Variants in PTPRD observed in about 807,000 individuals in gnomAD.
PTPRD encodes receptor-type tyrosine-protein phosphatase delta.
PTPRD carries 34 observed loss-of-function variants against 214.5 expected under a neutral mutation model. The observed-to-expected ratio is 0.16, with a 90% CI of 0.12 to 0.21. The LOEUF (loss-of-function observed/expected upper bound fraction) is 0.21. Among genes scored for constraint, PTPRD ranks in the 10% least tolerant of loss-of-function variants. The pLI is 1.00. For missense variants in PTPRD, 2,545 were observed against 2,398.7 expected (o/e 1.06, Z -1.27); for synonymous variants, 1,128 against 845.7 (o/e 1.33, Z -5.79).
At chr9:9,116,877 T>C (rs1260134039) in intron 10 of PTPRD, among the ~76,000 whole-genome samples, 2 of 152,150 alleles carry the variant, frequency 1.3e-5, no homozygotes, top group African/African-American at 4.8e-5. Context: ...AATTATTCAA[T>C]TAATCCAGAG....
At chr9:8,756,966 C>A (rs145043945) in intron 11 of PTPRD, among the ~76,000 whole-genome samples, 1,846 of 152,068 alleles carry the variant, frequency 0.012, 14 homozygotes, top group Non-Finnish European at 0.019. Context: ...CGTGGTGAAA[C>A]CCTGTCTCTA....
intron 5 of PTPRD, among the ~76,000 whole-genome samples, chr9:9,807,913 C>A (rs189689119): frequency 6.6e-6 from 1 of 152,064 alleles, no homozygotes; most frequent in Non-Finnish European, 1.5e-5. Context: ...ACCCTAAGAG[C>A]AGTTTTTATA....
intron 14 of PTPRD, among the ~76,000 whole-genome samples, chr9:8,591,314 T>C (rs1307163198): frequency 6.6e-6 from 1 of 152,170 alleles, no homozygotes; most frequent in East Asian, 1.9e-4. Context: ...AGGGCCATTA[T>C]TTGGTCTACC....
chr9:8,389,204 A>G, intron 37 of PTPRD, 28 bp downstream of exon 37: 3 of 1,566,536 alleles, frequency 1.9e-6, no homozygotes, highest in Middle Eastern at 1.7e-4. Context: ...AAATTTTTAA[A>G]AGGAAAGAGG....
chr9:8,753,250 G>A (rs1409986706), intron 11 of PTPRD, among the ~76,000 whole-genome samples: 1 of 152,186 alleles, frequency 6.6e-6, no homozygotes, highest in Non-Finnish European at 1.5e-5. Context: ...TTAACCACTG[G>A]CTAAAACCAT....
At chr9:10,220,505 T>C (rs756221380) in intron 3 of PTPRD, among the ~76,000 whole-genome samples, 92 of 151,928 alleles carry the variant, frequency 6.1e-4, no homozygotes, top group Non-Finnish European at 1.0e-3. Context: ...GAAAGTTAAA[T>C]GGTGAAAACA....
At chr9:8,868,685 T>C (rs2098242349) in intron 11 of PTPRD, among the ~76,000 whole-genome samples, 1 of 151,846 alleles carries the variant, frequency 6.6e-6, no homozygotes, top group Non-Finnish European at 1.5e-5. Context: ...ATTTTATAGA[T>C]GAAAAAGAAA....
intron 44 of PTPRD, among the ~76,000 whole-genome samples, chr9:8,329,223 G>A (rs1187828568): frequency 2.6e-5 from 4 of 151,958 alleles, no homozygotes; most frequent in South Asian, 2.1e-4. Flanking sequence ...CTGGGTGGAC[G>A]TGCTATTCCT....
At chr9:9,846,029 AAG>A (rs2059467396) in intron 5 of PTPRD, among the ~76,000 whole-genome samples, 1 of 152,110 alleles carries the variant, frequency 6.6e-6, no homozygotes, top group South Asian at 2.1e-4. Context: ...TGTCTTGAGA[AAG>A]AGTAATTCCT....
intron 5 of PTPRD, among the ~76,000 whole-genome samples, chr9:9,846,777 T>C (rs1412901143): frequency 6.6e-6 from 1 of 152,084 alleles, no homozygotes; most frequent in East Asian, 1.9e-4. Context: ...ACAGCATAAA[T>C]GAAACATTGA....
chr9:9,167,983 T>C (rs144368327), intron 10 of PTPRD, among the ~76,000 whole-genome samples: 1 of 152,220 alleles, frequency 6.6e-6, no homozygotes, highest in East Asian at 1.9e-4. Context: ...TTCTGTGGAG[T>C]AGATTTTTAT....
intron 5 of PTPRD, among the ~76,000 whole-genome samples, chr9:9,863,909 C>G (rs1449557305): frequency 2.0e-5 from 3 of 151,338 alleles, no homozygotes; most frequent in Non-Finnish European, 4.4e-5. Flanking sequence ...CCTGTCCAGT[C>G]TCTGAATTTT....
At chr9:9,763,776 C>T (rs1188453825) in intron 6 of PTPRD, among the ~76,000 whole-genome samples, 2 of 152,000 alleles carry the variant, frequency 1.3e-5, no homozygotes, top group Non-Finnish European at 2.9e-5. Context: ...TGATAATTTG[C>T]ATTAAAAAGT....
In PTPRD at chr9:9,492,716, A is replaced by G. The variant is rs181076093; in HGVS notation, c.-237+82016T>C. ...ATTATGGTTCACTTTATTGCACTTCACAGATTTTTTTTTTTCCAGATTGGA... is the reference window on the plus strand; with the variant it reads ...ATTATGGTTCACTTTATTGCACTTCGCAGATTTTTTTTTTTCCAGATTGGA... On this transcript the variant is annotated intron_variant, in intron 8 of 45. Transcript: ENST00000381196. 3.6e-3 allele frequency among the ~76,000 whole-genome samples: 543 copies of G among 151,718 alleles called. 1 individual carries two copies. Among genetic ancestry groups the G allele is most frequent in the Non-Finnish European group, 5.9e-3 (401 of 67,930 alleles).
intron 44 of PTPRD, among the ~76,000 whole-genome samples, chr9:8,327,220 T>C (rs1220943309): frequency 2.0e-5 from 3 of 151,874 alleles, no homozygotes; most frequent in Non-Finnish European, 4.4e-5. Flanking sequence ...GAGATTCTGG[T>C]ACATTGTGTC....
rs1183827035 is a variant in PTPRD at position 8,370,207 on chromosome 9, T to TATAC, written c.4661+5728_4661+5729insGTAT. Among the ~76,000 whole-genome samples, 703 of 82,050 alleles carry TATAC rather than the reference T, an allele frequency of 8.6e-3. 12 individuals carry two copies. Among genetic ancestry groups the TATAC allele is most frequent in the African/African-American group, 0.025 (682 of 27,060 alleles). The allele number at this position is 82,050 out of a possible 152,430, so 53.8% of individuals were successfully genotyped here. A position where few individuals can be genotyped will look rare whatever the true frequency, so the allele number is the denominator to read the frequency against. Reference sequence around the variant, plus strand: ...TATTCATGCACTGCACATATATATATACACACACACACACACACACACACA... The same window carrying TATAC: ...TATTCATGCACTGCACATATATATATATACACACACACACACACACACACACACA... On this transcript the variant is annotated intron_variant, in intron 39 of 45. Coordinates refer to ENST00000381196, the MANE Select transcript of PTPRD (RefSeq NM_002839.4).
At chr9:9,443,444 C>T (rs779763582) in intron 8 of PTPRD, among the ~76,000 whole-genome samples, 4 of 152,136 alleles carry the variant, frequency 2.6e-5, no homozygotes, top group African/African-American at 7.2e-5. Flanking sequence ...TGTTTTTGGT[C>T]GCTTTGAATC....
chr9:9,967,782 A>G (rs369699963), intron 4 of PTPRD, among the ~76,000 whole-genome samples: 1 of 152,204 alleles, frequency 6.6e-6, no homozygotes. Context: ...GAACATGCGT[A>G]AAAAGTTGAA....
chr9:8,724,616 G>A (rs779511822), intron 12 of PTPRD, among the ~76,000 whole-genome samples: 2 of 152,096 alleles, frequency 1.3e-5, no homozygotes, highest in Admixed American at 6.6e-5. Context: ...CAAGGTTTAT[G>A]GAGCCTTGTC....
Sources: allele counts gnomAD v4.1 joint callset (sites outside exome capture counted in the v4.1 genomes callset), GRCh38; gene constraint gnomAD v4.1.1; transcripts MANE v1.5; gene names NCBI Gene and HGNC (gene_info 2026-07-23, HGNC 2026-07-21).